NTRK2: variants seen among roughly 807,000 people sequenced by gnomAD.
NTRK2 encodes the protein BDNF/NT-3 growth factors receptor.
NTRK2 carries 13 observed loss-of-function variants against 94.5 expected under a neutral mutation model. The observed-to-expected ratio is 0.14, with a 90% CI of 0.09 to 0.22. The LOEUF is 0.22. Ranked by LOEUF, NTRK2 falls within the 10% of genes least tolerant of loss-of-function variation. The pLI is 1.00. For missense variants in NTRK2, 639 were observed against 1,071.2 expected (o/e 0.60, Z 5.63); for synonymous variants, 372 against 407.4 (o/e 0.91, Z 1.05).
intron 14 of NTRK2, among the ~76,000 whole-genome samples, chr9:84,897,598 C>A (rs1355299328): frequency 6.6e-6 from 1 of 152,192 alleles, no homozygotes; most frequent in Non-Finnish European, 1.5e-5. Flanking sequence ...GTGCTGGCAC[C>A]TCTTGTTCTG....
At chr9:84,751,863 A>G in intron 11 of NTRK2, 123 bp from the exon 12 acceptor site, 1 of 775,770 alleles carries the variant, frequency 1.3e-6, no homozygotes, top group South Asian at 1.4e-5. Flanking sequence ...TTATAAGAAC[A>G]AGTGGTAAGC....
chr9:84,842,892 G>GTC (rs2074263198), intron 12 of NTRK2, among the ~76,000 whole-genome samples: 1 of 152,200 alleles, frequency 6.6e-6, no homozygotes, highest in Admixed American at 6.5e-5. Context: ...GACCAGGAGT[G>GTC]TCTCTAAGGA....
In NTRK2 at chr9:84,686,086, G is replaced by T. The variant is rs537802418; in HGVS notation, c.212+15126G>T. Reference sequence around the variant, plus strand: ...AGAACTCTAAATAAGAGTATTAGTTGGTCTCTGGGTCATCAATATGTAAAT... The same window carrying T: ...AGAACTCTAAATAAGAGTATTAGTTTGTCTCTGGGTCATCAATATGTAAAT... On this transcript the variant is annotated intron_variant, in intron 2 of 18. Coordinates refer to ENST00000277120, the MANE Select transcript of NTRK2 (RefSeq NM_006180.6). Among the ~76,000 whole-genome samples, 12 of 152,204 alleles carry T rather than the reference G, an allele frequency of 7.9e-5. No homozygotes were observed. The East Asian group carries it at 2.1e-3, about 27-fold the overall frequency.
At chr9:84,697,049 A>C (rs372005125) in intron 2 of NTRK2, among the ~76,000 whole-genome samples, 1 of 152,312 alleles carries the variant, frequency 6.6e-6, no homozygotes, top group African/African-American at 2.4e-5. Context: ...TTATTAATAA[A>C]GGTTGAGGGC....
intron 9 of NTRK2, among the ~76,000 whole-genome samples, chr9:84,737,907 A>G (rs2063371987): frequency 6.6e-6 from 1 of 151,556 alleles, no homozygotes; most frequent in Non-Finnish European, 1.5e-5. Context: ...AACAAAGTAA[A>G]GGTGAGTATG....
At chr9:85,014,414 A>T (rs1356905051) in intron 17 of NTRK2, among the ~76,000 whole-genome samples, 1 of 152,202 alleles carries the variant, frequency 6.6e-6, no homozygotes, top group Non-Finnish European at 1.5e-5. Flanking sequence ...ACTCATGGGG[A>T]AGAACCTAGC....
At chr9:84,885,954 C>G (rs1397027328) in intron 14 of NTRK2, among the ~76,000 whole-genome samples, 1 of 151,960 alleles carries the variant, frequency 6.6e-6, no homozygotes, top group Non-Finnish European at 1.5e-5. Flanking sequence ...TCGCTTGAAC[C>G]TGGGAGGCAG....
At chr9:84,767,309 C>T (rs1207815132) in intron 12 of NTRK2, among the ~76,000 whole-genome samples, 1 of 152,176 alleles carries the variant, frequency 6.6e-6, no homozygotes, top group Non-Finnish European at 1.5e-5. Context: ...TTCCTCCTCA[C>T]AATGGTTAAA....
At chr9:84,804,755 CT>C (rs1182655755) in intron 12 of NTRK2, among the ~76,000 whole-genome samples, 4 of 152,180 alleles carry the variant, frequency 2.6e-5, no homozygotes, top group African/African-American at 9.7e-5. Context: ...TGATAAGCCC[CT>C]CTAGACTTAG....
chr9:84,956,654 A>G (rs1824172280), intron 17 of NTRK2, among the ~76,000 whole-genome samples: 3 of 152,178 alleles, frequency 2.0e-5, no homozygotes, highest in Non-Finnish European at 2.9e-5. Flanking sequence ...GGGCTGGTGA[A>G]GATGCTGGCT....
chr9:84,977,974 A>T (rs574018869), intron 17 of NTRK2, among the ~76,000 whole-genome samples: 1 of 152,316 alleles, frequency 6.6e-6, no homozygotes, highest in South Asian at 2.1e-4. Context: ...TCCATGTAAG[A>T]CAGTGAACTT....
intron 17 of NTRK2, among the ~76,000 whole-genome samples, chr9:85,013,445 G>A (rs1040079862): frequency 6.6e-6 from 1 of 152,076 alleles, no homozygotes; most frequent in Non-Finnish European, 1.5e-5. Flanking sequence ...TGGGATTACA[G>A]GTGCGTGACA....
intron 12 of NTRK2, among the ~76,000 whole-genome samples, chr9:84,805,443 A>G (rs1349894492): frequency 1.3e-5 from 2 of 152,176 alleles, no homozygotes; most frequent in Non-Finnish European, 2.9e-5. Flanking sequence ...TCCAGGAAGT[A>G]CTCACTGTGT....
At chr9:84,706,039 C>T (rs2061037067) in intron 4 of NTRK2, among the ~76,000 whole-genome samples, 1 of 152,058 alleles carries the variant, frequency 6.6e-6, no homozygotes, top group Admixed American at 6.5e-5. Flanking sequence ...ATCCAACAGC[C>T]TTAGCTTCCC....
At chr9:84,945,077 A>G (rs115771241) in intron 15 of NTRK2, among the ~76,000 whole-genome samples, 1 of 152,290 alleles carries the variant, frequency 6.6e-6, no homozygotes, top group African/African-American at 2.4e-5. Context: ...TGGAAGGGGA[A>G]CACAAGTTTG....
intron 17 of NTRK2, among the ~76,000 whole-genome samples, chr9:84,979,147 A>G (rs545552337): frequency 6.6e-6 from 1 of 152,320 alleles, no homozygotes; most frequent in Non-Finnish European, 1.5e-5. Flanking sequence ...AAGTCTTATG[A>G]TTTAAGAATT....
At chr9:84,879,333 A>G (rs901549171) in intron 14 of NTRK2, among the ~76,000 whole-genome samples, 1 of 152,302 alleles carries the variant, frequency 6.6e-6, no homozygotes, top group Non-Finnish European at 1.5e-5. Context: ...TAAAAAACCT[A>G]TATTGCTTTT....
At chr9:84,679,545 C>T (rs531980865) in intron 2 of NTRK2, among the ~76,000 whole-genome samples, 1 of 152,294 alleles carries the variant, frequency 6.6e-6, no homozygotes, top group East Asian at 1.9e-4. Context: ...GATACCCACT[C>T]TCTGACAGTA....
At chr9:84,820,656 G>A (rs750934294) in intron 12 of NTRK2, among the ~76,000 whole-genome samples, 1 of 151,996 alleles carries the variant, frequency 6.6e-6, no homozygotes, top group Admixed American at 6.5e-5. Context: ...TAAAAATTTC[G>A]AATATATTCA....
Sources: allele counts gnomAD v4.1 joint callset (sites outside exome capture counted in the v4.1 genomes callset), GRCh38; gene constraint gnomAD v4.1.1; transcripts MANE v1.5; gene names NCBI Gene and HGNC (gene_info 2026-07-23, HGNC 2026-07-21).